The following TMPRSS4 variants were observed in gnomAD, a reference collection of about 807,000 sequenced individuals.
TMPRSS4 encodes the protein transmembrane protease serine 4.
In TMPRSS4, 45 loss-of-function variants were observed where a neutral mutation model predicts 56.4. The observed-to-expected ratio is 0.80, with a 90% CI of 0.63 to 1.02. The LOEUF (loss-of-function observed/expected upper bound fraction) is 1.02. Among genes scored for constraint, TMPRSS4 ranks in the 50% least tolerant of loss-of-function variants. TMPRSS4 has a pLI of 0.00. For synonymous variants in TMPRSS4, 205 were observed against 211.0 expected (o/e 0.97, Z 0.25); for missense variants, 546 against 556.7 (o/e 0.98, Z 0.19).
Position 118,093,195 on chromosome 11 carries a change from C to T in TMPRSS4, c.4-1621C>T, listed in dbSNP as rs562972207. Among the ~76,000 whole-genome samples the T allele has an allele frequency of 3.9e-5, 6 of 152,346 alleles. No homozygotes were observed. The South Asian group carries it at 8.3e-4, about 21-fold the overall frequency. ...GGAACGAAAGAGCTCCTTCCTATTGCTGTGTCCACCGTGCTTAGCCGTGGA... is the reference window on the plus strand; with the variant it reads ...GGAACGAAAGAGCTCCTTCCTATTGTTGTGTCCACCGTGCTTAGCCGTGGA... On this transcript the variant is annotated intron_variant, in intron 1 of 12. Coordinates refer to ENST00000437212, the MANE Select transcript of TMPRSS4 (RefSeq NM_019894.4).
At chr11:118,094,996 A>G in intron 2 of TMPRSS4, 141 bp downstream of exon 2, 4 of 853,712 alleles carry the variant, frequency 4.7e-6, no homozygotes, top group Non-Finnish European at 5.8e-6. Flanking sequence ...TCACCCGTCC[A>G]TCCATCACTC....
rs1162069114 is a variant in TMPRSS4 at position 118,121,196 on chromosome 11, C to T, written c.*3283C>T. 3 of 152,134 alleles carry T rather than the reference C, an allele frequency of 2.0e-5. No individual in the cohort carries two copies. Among genetic ancestry groups the T allele is most frequent in the Non-Finnish European group, 4.4e-5 (3 of 68,022 alleles). The allele number at this position is 152,134 out of a possible 1,614,324, so 9.4% of individuals were successfully genotyped here. A position where few individuals can be genotyped will look rare whatever the true frequency, so the allele number is the denominator to read the frequency against. ...TCAAGAAAACAAAAACAGACTTTAC[C>T]ATCAACAAACCTTCTCTAAAAGAAT... On this transcript the variant is annotated 3_prime_UTR_variant, in exon 13 of 13. Transcript: ENST00000437212.
chr11:118,125,341 T>C (rs564465052), downstream of TMPRSS4: 35 of 456,716 alleles, frequency 7.7e-5, 1 homozygote, highest in South Asian at 4.5e-4. Flanking sequence ...ACAGGTCTTG[T>C]GATTCAGCAA....
chr11:118,080,007 C>T (rs1591328367), intron 1 of TMPRSS4, among the ~76,000 whole-genome samples: 1 of 152,028 alleles, frequency 6.6e-6, no homozygotes, highest in Admixed American at 6.5e-5. Context: ...GTAACCACTC[C>T]CCCCCCACCA....
Position 118,099,099 on chromosome 11 carries a change from G to C in TMPRSS4, c.157+1G>C. Reference sequence around the variant, plus strand: ...AGTATCATCATTGTGGTTGTCCTCAGTAAGTGACAGCCCGTACCCGACTTT... The same window carrying C: ...AGTATCATCATTGTGGTTGTCCTCACTAAGTGACAGCCCGTACCCGACTTT... On this transcript the variant is annotated splice_donor_variant, in intron 3 of 12. Transcript: ENST00000437212. LOFTEE classifies it high-confidence loss of function. The C allele has an allele frequency of 6.2e-7, 1 of 1,612,578 alleles. No individual in the cohort carries two copies. The highest frequency in any genetic ancestry group is 8.5e-7 in the Non-Finnish European group (1 of 1,178,744).
At chr11:118,086,594 T>G (rs1482855925) in intron 1 of TMPRSS4, among the ~76,000 whole-genome samples, 3 of 152,176 alleles carry the variant, frequency 2.0e-5, no homozygotes, top group African/African-American at 7.2e-5. Flanking sequence ...GAGTAACAGG[T>G]GCGATCCCAG....
intron 2 of TMPRSS4, among the ~76,000 whole-genome samples, chr11:118,098,282 C>G (rs879400051): frequency 6.6e-6 from 1 of 151,576 alleles, no homozygotes; most frequent in Non-Finnish European, 1.5e-5. Context: ...TCCGTGCCTC[C>G]GACAGAGCTG....
intron 1 of TMPRSS4, among the ~76,000 whole-genome samples, chr11:118,079,612 G>T (rs1274611453): frequency 6.6e-6 from 1 of 152,194 alleles, no homozygotes; most frequent in Non-Finnish European, 1.5e-5. Flanking sequence ...TGAGCCACCA[G>T]ACGTGGGTGT....
At chr11:118,082,379 G>A (rs1416689952) in intron 1 of TMPRSS4, among the ~76,000 whole-genome samples, 1 of 152,042 alleles carries the variant, frequency 6.6e-6, no homozygotes, top group Non-Finnish European at 1.5e-5. Context: ...TGGCCAACAT[G>A]GTGAAACCCC....
intron 1 of TMPRSS4, among the ~76,000 whole-genome samples, chr11:118,088,619 T>A (rs959450360): frequency 1.3e-5 from 2 of 152,164 alleles, no homozygotes; most frequent in Non-Finnish European, 2.9e-5. Flanking sequence ...GCTGGACCCA[T>A]GAGTCAGGGC....
intron 1 of TMPRSS4, among the ~76,000 whole-genome samples, chr11:118,082,335 C>T (rs688803): frequency 0.15 from 22,496 of 151,958 alleles, 1,828 homozygotes; most frequent in East Asian, 0.3. Context: ...CCTAGGTGGG[C>T]GGATCACCTG....
At chr11:118,116,506 C>G (rs1033416391) in intron 11 of TMPRSS4, among the ~76,000 whole-genome samples, 2 of 152,332 alleles carry the variant, frequency 1.3e-5, no homozygotes, top group South Asian at 4.1e-4. Context: ...GATAAGTGCA[C>G]TTTTCACTAT....
chr11:118,084,688 A>C (rs960585405), intron 1 of TMPRSS4, among the ~76,000 whole-genome samples: 2 of 152,148 alleles, frequency 1.3e-5, no homozygotes, highest in African/African-American at 4.8e-5. Context: ...GAGAGCACTA[A>C]TTTTCACTTA....
At position 118,103,295 on chromosome 11, in the gene TMPRSS4, G is replaced by A. The variant is rs767178199; in HGVS notation, c.310+42G>A. On this transcript the variant is annotated intron_variant, in intron 4 of 12. Coordinates refer to ENST00000437212, the MANE Select transcript of TMPRSS4 (RefSeq NM_019894.4). ...AGGCACAAGAGAAGTGGGCCCAGCA[G>A]GAGGTCTGCTCAGGCCCCCACGGCC... 39 of 1,598,694 alleles carry A rather than the reference G, an allele frequency of 2.4e-5. No homozygotes were observed. The South Asian group carries it at 4.4e-4, about 18-fold the overall frequency.
chr11:118,091,735 T>C (rs1054353900), intron 1 of TMPRSS4, among the ~76,000 whole-genome samples: 23 of 152,214 alleles, frequency 1.5e-4, no homozygotes, highest in African/African-American at 5.5e-4. Flanking sequence ...ACAATTGATA[T>C]CGACTTGACT....
At chr11:118,082,732 T>C (rs988446741) in intron 1 of TMPRSS4, among the ~76,000 whole-genome samples, 19 of 152,002 alleles carry the variant, frequency 1.2e-4, no homozygotes, top group Non-Finnish European at 2.5e-4. Flanking sequence ...AAACCCAAAT[T>C]ACCAGGAGAC....
intron 1 of TMPRSS4, among the ~76,000 whole-genome samples, chr11:118,079,302 C>G (rs1333452398): frequency 3.3e-5 from 5 of 152,168 alleles, no homozygotes; most frequent in African/African-American, 1.2e-4. Context: ...CCTCCCTTCC[C>G]TTCCCTTCCA....
intron 1 of TMPRSS4, among the ~76,000 whole-genome samples, chr11:118,082,228 ACT>A (rs1945190447): frequency 6.6e-6 from 1 of 151,966 alleles, no homozygotes; most frequent in African/African-American, 2.4e-5. Context: ...GTCTAATACA[ACT>A]CTCTGAGACA....
intron 1 of TMPRSS4, among the ~76,000 whole-genome samples, chr11:118,080,747 C>G (rs912001424): frequency 6.6e-6 from 1 of 152,076 alleles, no homozygotes; most frequent in South Asian, 2.1e-4. Context: ...GGGGAACTGC[C>G]GACAAGCTTC....
Sources: gnomAD v4.1 joint callset for allele counts (sites outside exome capture counted in the v4.1 genomes callset) on GRCh38, gnomAD v4.1.1 for gene constraint, MANE v1.5 for transcripts, NCBI Gene and HGNC (gene_info 2026-07-23, HGNC 2026-07-21) for gene names.